Variants in ITPK1 observed in about 807,000 individuals in gnomAD.
ITPK1 encodes the protein inositol-tetrakisphosphate 1-kinase, also known as inositol 1,3,4-trisphosphate 5/6-kinase.
A neutral mutation model predicts 45.3 loss-of-function variants in ITPK1; 21 were observed. That is an observed-to-expected ratio of 0.46 (90% CI 0.33 to 0.67). ITPK1 has a LOEUF of 0.67. Among genes scored for constraint, ITPK1 ranks in the 30% least tolerant of loss-of-function variants. ITPK1 has a pLI of 0.02. For synonymous variants in ITPK1, 258 were observed against 253.6 expected (o/e 1.02, Z -0.16); for missense variants, 474 against 573.5 (o/e 0.83, Z 1.77).
intron 2 of ITPK1, among the ~76,000 whole-genome samples, chr14:93,093,885 C>T (rs1891962305): frequency 6.6e-6 from 1 of 152,252 alleles, no homozygotes; most frequent in Non-Finnish European, 1.5e-5. Context: ...ATGGCTCCCC[C>T]AGCCTTCAGG....
intron 3 of ITPK1, among the ~76,000 whole-genome samples, chr14:93,024,197 G>T (rs1888616169): frequency 6.6e-6 from 1 of 152,170 alleles, no homozygotes; most frequent in African/African-American, 2.4e-5. Context: ...TGCCAGGCCT[G>T]GAGGAAGGAA....
At position 92,941,400 on chromosome 14, in the gene ITPK1, C is replaced by T. The variant is rs981063402; in HGVS notation, c.*161G>A. ...TGGTACTCTCTTCCATCCCCCACTA[C>T]CCCTCATTTAGATCATGACATCAGA... On this transcript the variant is annotated 3_prime_UTR_variant, in exon 11 of 11. Coordinates refer to ENST00000267615, the MANE Select transcript of ITPK1 (RefSeq NM_014216.6). 1.4e-4 allele frequency: 199 copies of T among 1,419,314 alleles called. No homozygotes were observed. Among genetic ancestry groups the T allele is most frequent in the Non-Finnish European group, 1.7e-4 (188 of 1,094,234 alleles). 87.9% of individuals were successfully genotyped at this position (1,419,314 alleles called of 1,614,324 possible).
chr14:92,950,507 G>GGTC (rs1887907476), intron 9 of ITPK1, among the ~76,000 whole-genome samples: 3 of 152,258 alleles, frequency 2.0e-5, no homozygotes, highest in Admixed American at 2.0e-4. Flanking sequence ...GGAAGGAGGA[G>GGTC]GTGACTGCAG....
chr14:92,955,140 T>C (rs753882319), intron 8 of ITPK1, among the ~76,000 whole-genome samples: 10 of 152,214 alleles, frequency 6.6e-5, no homozygotes, highest in Non-Finnish European at 1.2e-4. Context: ...CAGCAGACTA[T>C]AGGCTGTAAG....
chr14:92,944,807 A>G (rs557817785), intron 10 of ITPK1, among the ~76,000 whole-genome samples: 2 of 152,202 alleles, frequency 1.3e-5, no homozygotes, highest in African/African-American at 4.8e-5. Context: ...AGCTAAACCC[A>G]TGGTTTCCTC....
chr14:93,064,566 G>A (rs995196595), intron 3 of ITPK1, among the ~76,000 whole-genome samples: 4 of 152,172 alleles, frequency 2.6e-5, no homozygotes, highest in African/African-American at 9.7e-5. Flanking sequence ...GAAGTGCTGA[G>A]TGAGCCCCAT....
At chr14:92,984,803 TC>T (rs1319715058) in intron 5 of ITPK1, among the ~76,000 whole-genome samples, 1 of 152,176 alleles carries the variant, frequency 6.6e-6, no homozygotes, top group African/African-American at 2.4e-5. Context: ...GGGACACAGT[TC>T]TTATAATTCT....
rs1161227186 is a variant in ITPK1 at position 93,115,881 on chromosome 14, G to T, written c.-252C>A. 2 of 145,388 alleles carry T rather than the reference G, an allele frequency of 1.4e-5. No homozygotes were observed. The highest frequency in any genetic ancestry group is 1.9e-4 in the South Asian group (1 of 5,212). The allele number at this position is 145,388 out of a possible 1,614,324, so 9.0% of individuals were successfully genotyped here. A position where few individuals can be genotyped will look rare whatever the true frequency, so the allele number is the denominator to read the frequency against. On this transcript the variant is annotated 5_prime_UTR_variant, in exon 1 of 11. Coordinates refer to ENST00000267615, the MANE Select transcript of ITPK1 (RefSeq NM_014216.6). The stretch of plus-strand genomic sequence containing the variant: ...CGCCGCCCCTGCCCGCCGCCGCCCC[G>T]CGCTGGCCCGGCCGCCCCGCTTGAG...
intron 4 of ITPK1, among the ~76,000 whole-genome samples, chr14:93,002,314 G>A (rs376221458): frequency 8.5e-5 from 13 of 152,234 alleles, no homozygotes; most frequent in Admixed American, 2.0e-4. Context: ...GCACTCAGCC[G>A]GGGCATTACA....
At position 92,939,293 on chromosome 14, in the gene ITPK1, G is replaced by A. The variant is rs1285525517; in HGVS notation, c.*2268C>T. On this transcript the variant is annotated 3_prime_UTR_variant, in exon 11 of 11. Coordinates refer to ENST00000267615, the MANE Select transcript of ITPK1 (RefSeq NM_014216.6). Reference sequence around the variant, plus strand: ...AAGGCCAGGGACAATGTGACCGAAGGGGAGACAACTCTATGGACACTGTCC... The same window carrying A: ...AAGGCCAGGGACAATGTGACCGAAGAGGAGACAACTCTATGGACACTGTCC... 6.6e-6 allele frequency: 1 copy of A among 152,276 alleles called. No homozygotes were observed. The highest frequency in any genetic ancestry group is 1.5e-5 in the Non-Finnish European group (1 of 68,094). 9.4% of individuals were successfully genotyped at this position (152,276 alleles called of 1,614,324 possible).
chr14:93,058,169 T>A (rs1475247926), intron 3 of ITPK1, among the ~76,000 whole-genome samples: 1 of 151,780 alleles, frequency 6.6e-6, no homozygotes, highest in Non-Finnish European at 1.5e-5. Flanking sequence ...TGCAAGCCCA[T>A]CAGCTCCCTT....
At chr14:93,002,204 T>A (rs1350030516) in intron 4 of ITPK1, among the ~76,000 whole-genome samples, 1 of 151,972 alleles carries the variant, frequency 6.6e-6, no homozygotes, top group East Asian at 1.9e-4. Flanking sequence ...AAATTAAAAA[T>A]TAGCCAGGCA....
At chr14:92,950,185 G>T (rs776001656) in intron 9 of ITPK1, among the ~76,000 whole-genome samples, 3 of 152,240 alleles carry the variant, frequency 2.0e-5, no homozygotes, top group Non-Finnish European at 4.4e-5. Flanking sequence ...AGTTCGGTGG[G>T]GCTAGGCCCA....
At chr14:92,957,155 T>C (rs538263722) in intron 8 of ITPK1, among the ~76,000 whole-genome samples, 1 of 152,192 alleles carries the variant, frequency 6.6e-6, no homozygotes, top group Non-Finnish European at 1.5e-5. Flanking sequence ...CCACAGGCAG[T>C]CCCCGGAGGA....
chr14:93,104,010 T>G (rs1005401884), intron 2 of ITPK1, among the ~76,000 whole-genome samples: 3 of 152,064 alleles, frequency 2.0e-5, no homozygotes, highest in Non-Finnish European at 4.4e-5. Context: ...GGAGGGCAGG[T>G]GAGGTGGCCT....
intron 10 of ITPK1, among the ~76,000 whole-genome samples, chr14:92,942,579 C>T (rs1887485707): frequency 6.6e-6 from 1 of 152,210 alleles, no homozygotes; most frequent in African/African-American, 2.4e-5. Context: ...AGGATCACAG[C>T]CAAGGAACGG....
intron 3 of ITPK1, among the ~76,000 whole-genome samples, chr14:93,046,860 C>T (rs1454903114): frequency 1.3e-5 from 2 of 152,230 alleles, no homozygotes; most frequent in Non-Finnish European, 2.9e-5. Context: ...GGAACTCCCA[C>T]AAGGCCGCAC....
chr14:93,064,418 C>A (rs1291978558), intron 3 of ITPK1, among the ~76,000 whole-genome samples: 1 of 152,196 alleles, frequency 6.6e-6, no homozygotes, highest in Non-Finnish European at 1.5e-5. Context: ...GGCCATCATG[C>A]CTGGCTGCTG....
intron 2 of ITPK1, among the ~76,000 whole-genome samples, chr14:93,079,877 C>T (rs989796693): frequency 6.6e-6 from 1 of 152,192 alleles, no homozygotes; most frequent in Admixed American, 6.5e-5. Context: ...ACTGTTCCTC[C>T]TGAAAACCCT....
Sources: gnomAD v4.1 joint callset for allele counts (sites outside exome capture counted in the v4.1 genomes callset) on GRCh38, gnomAD v4.1.1 for gene constraint, MANE v1.5 for transcripts, NCBI Gene and HGNC (gene_info 2026-07-23, HGNC 2026-07-21) for gene names.